PLEKHA5: variants seen among roughly 807,000 people sequenced by gnomAD.
The protein encoded by PLEKHA5 is pleckstrin homology domain-containing family A member 5.
In PLEKHA5, 55 loss-of-function variants were observed where a neutral mutation model predicts 181.9. The observed-to-expected ratio is 0.30, with a 90% CI of 0.24 to 0.38. The LOEUF is 0.38. PLEKHA5 is among the 10% of genes least tolerant of loss of function. PLEKHA5 has a pLI of 1.00. For missense variants in PLEKHA5, 1,432 were observed against 1,549.5 expected, an observed-to-expected ratio of 0.92 and a Z score of 1.27; for synonymous variants, 535 against 529.4, an observed-to-expected ratio of 1.01 and a Z score of -0.15.
chr12:19,270,312 A>G, intron 10 of PLEKHA5, 107 bp downstream of exon 10: 3 of 562,816 alleles, frequency 5.3e-6, no homozygotes, highest in Non-Finnish European at 8.5e-6. Context: ...TTATGAAGTT[A>G]ATTTGTGTTT....
chr12:19,355,798 G>A (rs2094894769), intron 26 of PLEKHA5, among the ~76,000 whole-genome samples: 1 of 152,040 alleles, frequency 6.6e-6, no homozygotes, highest in South Asian at 2.1e-4. Context: ...CAGATTGGAA[G>A]ATTTCATTGG....
intron 3 of PLEKHA5, chr12:19,207,374 A>AT (rs2055833873): frequency 1.3e-5 from 2 of 152,180 alleles, no homozygotes; most frequent in Non-Finnish European, 1.5e-5. Context: ...TGAAAGAAGA[A>AT]TACAGAAAGA....
chr12:19,223,519 C>T (rs1397701426), intron 3 of PLEKHA5, among the ~76,000 whole-genome samples: 1 of 152,060 alleles, frequency 6.6e-6, no homozygotes, highest in African/African-American at 2.4e-5. Context: ...TTAAATTACT[C>T]ACTTTTTCTT....
intron 3 of PLEKHA5, among the ~76,000 whole-genome samples, chr12:19,242,644 G>A (rs1333779104): frequency 2.6e-5 from 4 of 152,136 alleles, no homozygotes; most frequent in South Asian, 2.1e-4. Context: ...AAACAGGTGA[G>A]TTGGCATGTG....
intron 15 of PLEKHA5, among the ~76,000 whole-genome samples, chr12:19,313,970 T>C (rs1487688084): frequency 6.6e-6 from 1 of 152,208 alleles, no homozygotes; most frequent in Non-Finnish European, 1.5e-5. Context: ...ATTTTCTGTA[T>C]ATGAAAGATG....
At chr12:19,339,661 A>C (rs2093707263) in intron 21 of PLEKHA5, among the ~76,000 whole-genome samples, 1 of 152,270 alleles carries the variant, frequency 6.6e-6, no homozygotes, top group Admixed American at 6.5e-5. Flanking sequence ...TTTAAGGTAT[A>C]ATAAAAACCA....
chr12:19,337,755 A>C (rs2153138777), intron 21 of PLEKHA5, among the ~76,000 whole-genome samples: 1 of 152,268 alleles, frequency 6.6e-6, no homozygotes. Context: ...AAGACCAACC[A>C]GCCTGACCAA....
intron 3 of PLEKHA5, among the ~76,000 whole-genome samples, chr12:19,168,316 G>GA (rs2045027053): frequency 6.6e-6 from 1 of 151,908 alleles, no homozygotes; most frequent in Non-Finnish European, 1.5e-5. Flanking sequence ...TCAGTTGGTG[G>GA]AAAAAATATT....
intron 3 of PLEKHA5, among the ~76,000 whole-genome samples, chr12:19,233,526 A>G (rs2060946569): frequency 1.3e-5 from 2 of 152,180 alleles, no homozygotes; most frequent in African/African-American, 4.8e-5. Context: ...GGTATTCAGA[A>G]CACCTCAATG....
intron 21 of PLEKHA5, among the ~76,000 whole-genome samples, chr12:19,342,470 A>T (rs2094009445): frequency 6.6e-6 from 1 of 152,114 alleles, no homozygotes; most frequent in Admixed American, 6.6e-5. Context: ...CAGCCTGGCC[A>T]ACATGGTGAA....
intron 3 of PLEKHA5, among the ~76,000 whole-genome samples, chr12:19,235,782 A>G (rs749543013): frequency 2.0e-5 from 3 of 152,200 alleles, no homozygotes; most frequent in Non-Finnish European, 2.9e-5. Context: ...AAATTAAAAC[A>G]TACACACACA....
intron 3 of PLEKHA5, among the ~76,000 whole-genome samples, chr12:19,167,449 G>T (rs2151597538): frequency 8.0e-6 from 1 of 125,432 alleles, no homozygotes; most frequent in South Asian, 2.6e-4. Flanking sequence ...TGGAAGCATG[G>T]TTGTGGGCAG....
chr12:19,315,771 C>T (rs2088397133), intron 16 of PLEKHA5, among the ~76,000 whole-genome samples: 1 of 151,876 alleles, frequency 6.6e-6, no homozygotes, highest in Non-Finnish European at 1.5e-5. Context: ...GTAAAAAGAA[C>T]GACTTTGAGC....
intron 15 of PLEKHA5, among the ~76,000 whole-genome samples, chr12:19,295,680 T>A (rs1442907903): frequency 6.6e-6 from 1 of 152,222 alleles, no homozygotes; most frequent in African/African-American, 2.4e-5. Flanking sequence ...TGTTTGAAAC[T>A]GGAGTAACAG....
rs182384058 is a variant in PLEKHA5, at chr12:19,362,534, A to C, written c.3608+828A>C. 1.7e-3 allele frequency among the ~76,000 whole-genome samples: 266 copies of C among 152,218 alleles called. 2 individuals are homozygous for C. Among genetic ancestry groups the C allele is most frequent in the Middle Eastern group, 3.4e-3 (1 of 294 alleles). The stretch of plus-strand genomic sequence containing the variant: ...GGGCGTCAGAGTGAGACTCCATCTC[A>C]AAAGAAAAGGAAAAAAAAAGAAAAT... On this transcript the variant is annotated intron_variant, in intron 29 of 31. Transcript: ENST00000429027.
At chr12:19,251,739 C>A (rs1041617614) in intron 3 of PLEKHA5, among the ~76,000 whole-genome samples, 245 of 65,656 alleles carry the variant, frequency 3.7e-3, no homozygotes, top group Middle Eastern at 0.01. Context: ...GAGGCCCATC[C>A]AAAAAAAAAA....
chr12:19,154,505 G>C (rs980181076), intron 3 of PLEKHA5: 1 of 152,112 alleles, frequency 6.6e-6, no homozygotes, highest in South Asian at 2.1e-4. Context: ...AACTGGAATA[G>C]ATTTCAGTAT....
intron 3 of PLEKHA5, among the ~76,000 whole-genome samples, chr12:19,194,755 A>G (rs891497214): frequency 3.2e-4 from 49 of 152,198 alleles, no homozygotes; most frequent in African/African-American, 1.1e-3. Context: ...AACAAGGACA[A>G]GTGCTCTAGG....
At chr12:19,203,630 T>C (rs2054696476) in intron 3 of PLEKHA5, among the ~76,000 whole-genome samples, 1 of 152,068 alleles carries the variant, frequency 6.6e-6, no homozygotes, top group Non-Finnish European at 1.5e-5. Flanking sequence ...ATGCTTTCTC[T>C]CTTTTCTCTA....
Sources: allele counts gnomAD v4.1 joint callset (sites outside exome capture counted in the v4.1 genomes callset), GRCh38; gene constraint gnomAD v4.1.1; transcripts MANE v1.5; gene names NCBI Gene and HGNC (gene_info 2026-07-23, HGNC 2026-07-21).